ARHGEF1: variants seen among roughly 807,000 people sequenced by gnomAD.
ARHGEF1 encodes the protein 115 kDa guanine nucleotide exchange factor.
ARHGEF1 carries 40 observed loss-of-function variants against 119.7 expected under a neutral mutation model. The observed-to-expected ratio is 0.33, with a 90% CI of 0.26 to 0.44. The LOEUF is 0.44. Among genes scored for constraint, ARHGEF1 ranks in the 20% least tolerant of loss-of-function variants. The pLI is 1.00. For synonymous variants in ARHGEF1, 494 were observed against 521.0 expected (o/e 0.95, Z 0.71); for missense variants, 976 against 1,268.3 (o/e 0.77, Z 3.50).
At chr19:41,928,564 C>A in intron 1 of ARHGEF1, 1 of 165,196 alleles carries the variant, frequency 6.1e-6, no homozygotes. Context: ...CGCGGCCGCC[C>A]GGCCGGGCTC....
chr19:41,894,423 C>T, intron 9 of ARHGEF1, 28 bp from the exon 10 acceptor site: 1 of 1,537,882 alleles, frequency 6.5e-7, no homozygotes, highest in African/African-American at 1.4e-5. Context: ...AGATGCTTAG[C>T]CTGGTCTTCC....
In ARHGEF1 at chr19:41,903,641, T is replaced by C; in HGVS notation, c.1840-66T>C. 6.5e-7 allele frequency: 1 copy of C among 1,539,428 alleles called. No homozygotes were observed. The highest frequency in any genetic ancestry group is 1.1e-5 in the South Asian group (1 of 89,040). ...TTGGTCTTGGCTCTCATCTTACCAA[T>C]GTGGGTCACTGCAGGTCAGCCCCAG... On this transcript the variant is annotated intron_variant, in intron 19 of 28. Coordinates refer to ENST00000354532, the MANE Select transcript of ARHGEF1 (RefSeq NM_004706.4). The surrounding 1 kb of genome is among the most constrained non-coding windows in gnomAD (Gnocchi z 4.2).
At chr19:41,925,260 AGG>A (rs1406286597) in intron 1 of ARHGEF1, among the ~76,000 whole-genome samples, 4 of 152,124 alleles carry the variant, frequency 2.6e-5, no homozygotes, top group African/African-American at 9.7e-5. Flanking sequence ...TGGCAGGTGC[AGG>A]GGGTTACTGG....
chr19:41,918,197 T>C (rs73550642), upstream of ARHGEF1, among the ~76,000 whole-genome samples: 40,137 of 151,436 alleles, frequency 0.27, 11,443 homozygotes, highest in African/African-American at 0.72. Flanking sequence ...ATACCCCACA[T>C]GTATACGCCA....
rs2123381954 is a variant in ARHGEF1 at position 41,889,408 on chromosome 19, A to C, written c.225+543A>C. 1 of 152,722 alleles carries C rather than the reference A, an allele frequency of 6.5e-6. No homozygotes were observed. The highest frequency in any genetic ancestry group is 2.1e-4 in the South Asian group (1 of 4,846). The allele number at this position is 152,722 out of a possible 1,614,324, so 9.5% of individuals were successfully genotyped here. A position where few individuals can be genotyped will look rare whatever the true frequency, so the allele number is the denominator to read the frequency against. ...CAGACCACACAATTGTGGATCCAGA[A>C]GCCTCCGGATGAGGCAGAAGATACC... On this transcript the variant is annotated intron_variant, in intron 4 of 28. Coordinates refer to ENST00000354532, the MANE Select transcript of ARHGEF1 (RefSeq NM_004706.4). This position sits in a 1 kb window ranked among gnomAD's most constrained non-coding sequence, Gnocchi z 4.0.
chr19:41,921,806 G>A (rs369902180), upstream of ARHGEF1, among the ~76,000 whole-genome samples: 13 of 151,838 alleles, frequency 8.6e-5, no homozygotes, highest in South Asian at 6.2e-4. The surrounding 1 kb of genome is among the most constrained non-coding windows in gnomAD (Gnocchi z 4.4). Context: ...GCCCCACCTC[G>A]CCCTTCTTCA....
intron 1 of ARHGEF1, among the ~76,000 whole-genome samples, chr19:41,927,388 G>A (rs2074877929): frequency 6.6e-6 from 1 of 152,174 alleles, no homozygotes; most frequent in South Asian, 2.1e-4. Context: ...CAAATATCCA[G>A]ACCCCAGATA....
At position 41,903,971 on chromosome 19, in the gene ARHGEF1, C is replaced by A; in HGVS notation, c.1918-64C>A. ...TCCCCGGCCACTGCCCTGCCCTTCC[C>A]CTCCCCACCAACCCCAATCACCCCC... On this transcript the variant is annotated intron_variant, in intron 20 of 28. Coordinates refer to ENST00000354532, the MANE Select transcript of ARHGEF1 (RefSeq NM_004706.4). The surrounding 1 kb of genome is among the most constrained non-coding windows in gnomAD (Gnocchi z 4.2). The A allele has an allele frequency of 1.3e-6, 2 of 1,520,672 alleles. No individual in the cohort carries two copies. Among genetic ancestry groups the A allele is most frequent in the South Asian group, 1.1e-5 (1 of 88,676 alleles). 94.2% of individuals were successfully genotyped at this position (1,520,672 alleles called of 1,614,324 possible). A position where few individuals can be genotyped will look rare whatever the true frequency, so the allele number is the denominator to read the frequency against.
upstream of ARHGEF1, among the ~76,000 whole-genome samples, chr19:41,921,223 C>T (rs782299752): frequency 2.6e-5 from 4 of 151,818 alleles, no homozygotes; most frequent in Non-Finnish European, 5.9e-5. This position sits in a 1 kb window ranked among gnomAD's most constrained non-coding sequence, Gnocchi z 4.4. Flanking sequence ...CCTCAGAGAC[C>T]CAGAGAGATG....
chr19:41,920,861 G>A (rs138589846), upstream of ARHGEF1, among the ~76,000 whole-genome samples: 79 of 152,358 alleles, frequency 5.2e-4, 3 homozygotes, highest in East Asian at 0.015. Flanking sequence ...GCCAGAGACA[G>A]AGAGGCCTGT....
Position 41,904,221 on chromosome 19 carries a change from C to T in ARHGEF1, c.1999C>T (p.His667Tyr), listed in dbSNP as rs781961816. The change falls in exon 22 of 29, where the codon CAT (histidine) becomes TAT (tyrosine). Residue 667 changes from histidine to tyrosine, a missense_variant. This residue lies in a region of ARHGEF1 where 286 missense variants were observed against 506.8 expected (regional missense o/e 0.56). Coordinates refer to ENST00000354532, the MANE Select transcript of ARHGEF1 (RefSeq NM_004706.4). The surrounding 1 kb of genome is among the most constrained non-coding windows in gnomAD (Gnocchi z 8.4). Reference protein sequence around the residue: ...RVTKDKAVEVHVLLLDDLLLL... With the variant: ...RVTKDKAVEVYVLLLDDLLLL... ...GAGCACTGCTCGCCCCGTAGAGGTG[C>T]ATGTGCTGCTGCTGGACGACCTGCT... The T allele has an allele frequency of 2.5e-6, 4 of 1,613,570 alleles. No homozygotes were observed. In the African/African-American group the frequency reaches 5.3e-5, roughly 21 times the overall value.
chr19:41,905,378 T>A lies in ARHGEF1; in HGVS notation c.2336+117T>A. 2 of 866,034 alleles carry A rather than the reference T, an allele frequency of 2.3e-6. No individual in the cohort carries two copies. The highest frequency in any genetic ancestry group is 5.0e-5 in the East Asian group (2 of 39,706). 53.6% of individuals were successfully genotyped at this position (866,034 alleles called of 1,614,324 possible). On this transcript the variant is annotated intron_variant, in intron 24 of 28. Coordinates refer to ENST00000354532, the MANE Select transcript of ARHGEF1 (RefSeq NM_004706.4). The surrounding 1 kb of genome is among the most constrained non-coding windows in gnomAD (Gnocchi z 6.4). The stretch of plus-strand genomic sequence containing the variant: ...GTGAGCATGCACATGTGTGAATGCA[T>A]GTGTGTGCATACATGTGTGTCTGTA...
intron 18 of ARHGEF1, among the ~76,000 whole-genome samples, chr19:41,915,190 C>T (rs979033412): frequency 2.2e-5 from 3 of 138,048 alleles, no homozygotes; most frequent in South Asian, 2.6e-4. Context: ...CTCTTCCCGA[C>T]GCTTTCAACT....
intron 12 of ARHGEF1, among the ~76,000 whole-genome samples, chr19:41,896,081 G>C (rs1449515501): frequency 2.0e-5 from 3 of 152,182 alleles, no homozygotes; most frequent in Non-Finnish European, 4.4e-5. Flanking sequence ...CGACCTCAGG[G>C]GGCTGCAGTC....
chr19:41,906,079 TCCAA>T lies in ARHGEF1; in HGVS notation c.2491+56_2491+59del. 1 of 1,516,948 alleles carries T rather than the reference TCCAA, an allele frequency of 6.6e-7. No individual in the cohort carries two copies. Among genetic ancestry groups the T allele is most frequent in the Non-Finnish European group, 9.1e-7 (1 of 1,095,474 alleles). 94.0% of individuals were successfully genotyped at this position (1,516,948 alleles called of 1,614,324 possible). A position where few individuals can be genotyped will look rare whatever the true frequency, so the allele number is the denominator to read the frequency against. Reference sequence around the variant, plus strand: ...CCACCAGCCCAAACAGTGCCTCTGTTCCAACTAGAACAAGGCTCTCCACGTCAAA... The same window carrying T: ...CCACCAGCCCAAACAGTGCCTCTGTTCTAGAACAAGGCTCTCCACGTCAAA... On this transcript the variant is annotated intron_variant, in intron 26 of 28. Transcript: ENST00000354532. This position sits in a 1 kb window ranked among gnomAD's most constrained non-coding sequence, Gnocchi z 4.5.
upstream of ARHGEF1, among the ~76,000 whole-genome samples, chr19:41,918,493 ACAC>A (rs1476366711): frequency 3.7e-3 from 552 of 148,894 alleles, 4 homozygotes; most frequent in African/African-American, 0.013. Context: ...CACACCACAC[ACAC>A]ATCACACACA....
At position 41,917,924 on chromosome 19, in the gene ARHGEF1, C is replaced by CTG. The variant is rs139810296; in HGVS notation, c.1866-5155_1866-5154dup. Among the ~76,000 whole-genome samples, 7 of 151,912 alleles carry CTG rather than the reference C, an allele frequency of 4.6e-5. No homozygotes were observed. In the East Asian group the frequency reaches 7.7e-4, roughly 17 times the overall value. On this transcript the variant is annotated intron_variant, in intron 18 of 20. Transcript: ENST00000599589. This position sits in a 1 kb window ranked among gnomAD's most constrained non-coding sequence, Gnocchi z 4.8. The stretch of plus-strand genomic sequence containing the variant: ...GAAGCCAGCTCCCCGCGGTCACACA[C>CTG]TGTGTGTGTGTGTGCTCACACACCT...
intron 11 of ARHGEF1, 61 bp downstream of exon 11, chr19:41,894,722 G>A (rs1383263758): frequency 3.2e-6 from 5 of 1,585,194 alleles, no homozygotes; most frequent in Middle Eastern, 1.7e-4. Context: ...GCTAGGACCT[G>A]GACGCCTGGG....
intron 7 of ARHGEF1, 106 bp from the exon 8 acceptor site, chr19:41,893,168 C>G: frequency 6.8e-7 from 1 of 1,477,752 alleles, no homozygotes. Flanking sequence ...CTCTCTGTCT[C>G]TCTTCCCCCT....
Sources: gnomAD v4.1 joint callset for allele counts (sites outside exome capture counted in the v4.1 genomes callset) on GRCh38, gnomAD v4.1.1 for gene constraint, gnomAD v4.1.1 regional missense constraint, Gnocchi (gnomAD v3.1) non-coding constraint, MANE v1.5 for transcripts, NCBI Gene and HGNC (gene_info 2026-07-23, HGNC 2026-07-21) for gene names.